The following PAOX variants were observed in gnomAD, a reference collection of about 807,000 sequenced individuals.
PAOX encodes peroxisomal N(1)-acetyl-spermine/spermidine oxidase.
In PAOX, 38 loss-of-function variants were observed where a neutral mutation model predicts 39.0. The observed-to-expected ratio is 0.97, with a 90% CI of 0.75 to 1.28. The LOEUF is 1.28. PAOX is among the 50% of genes most tolerant of loss of function. The probability of loss-of-function intolerance (pLI) is 0.00; values close to 1 mark genes in which losing one functional copy is unlikely to be tolerated. For synonymous variants in PAOX, 311 were observed against 314.4 expected (o/e 0.99, Z 0.11); for missense variants, 667 against 685.7 (o/e 0.97, Z 0.30).
In PAOX at chr10:133,380,502, C is replaced by T. The variant is rs1241074409; in HGVS notation, c.668+17C>T. 1 of 1,547,022 alleles carries T rather than the reference C, an allele frequency of 6.5e-7. No individual in the cohort carries two copies. Among genetic ancestry groups the T allele is most frequent in the African/African-American group, 1.4e-5 (1 of 73,868 alleles). ...CTTTTCTAAGTGCGTGCCTGAGCCCCTGCCCCGCCAGTCCTCCCACCAGGC... is the reference window on the plus strand; with the variant it reads ...CTTTTCTAAGTGCGTGCCTGAGCCCTTGCCCCGCCAGTCCTCCCACCAGGC... On this transcript the variant is annotated intron_variant, in intron 2 of 6. Transcript: ENST00000278060.
Position 133,380,240 on chromosome 10 carries a change from C to T in PAOX, c.423C>T (p.Thr141=). 1 of 1,612,886 alleles carries T rather than the reference C, an allele frequency of 6.2e-7. No homozygotes were observed. Among genetic ancestry groups the T allele is most frequent in the Non-Finnish European group, 8.5e-7 (1 of 1,180,016 alleles). The change falls in exon 2 of 7, where the codon ACC becomes ACT. Residue 141 remains threonine (T), a synonymous_variant. Coordinates refer to ENST00000278060, the MANE Select transcript of PAOX (RefSeq NM_152911.4). Reference sequence around the variant, plus strand: ...TGTTCTACGGCCTGATAGACCAGACCCGGGAGTTCCTGCACGCTGCAGAGA... The same window carrying T: ...TGTTCTACGGCCTGATAGACCAGACTCGGGAGTTCCTGCACGCTGCAGAGA... ...ATLFYGLIDQ[T]REFLHAAETP... is the part of the protein sequence containing the mutation.
In PAOX at chr10:133,391,367, A is replaced by G. The variant is rs1218075727; in HGVS notation, c.1448A>G (p.His483Arg). 3 of 1,613,284 alleles carry G rather than the reference A, an allele frequency of 1.9e-6. No homozygotes were observed. Among genetic ancestry groups the G allele is most frequent in the Middle Eastern group, 1.6e-4 (1 of 6,084 alleles). Residue 483 changes from histidine (H) to arginine (R), a missense_variant, in exon 7 of 7, where the codon CAC becomes CGC. By Grantham distance (29) the His-to-Arg change is conservative. Transcript: ENST00000278060. Reference sequence around the variant, plus strand: ...CATCGCACGTTTTACTCCACGACGCACGGGGCTCTGCTGTCGGGATGGAGG... The same window carrying G: ...CATCGCACGTTTTACTCCACGACGCGCGGGGCTCTGCTGTCGGGATGGAGG... ...ATHRTFYSTT[H>R]GALLSGWREA...
rs1441582173 is a variant in PAOX, at chr10:133,381,618, A to G, written c.827A>G (p.Asp276Gly). ...FPVSVECEDG[D>G]RFPAHHVIVT... ...GTGTCGGTAGAGTGTGAGGATGGAG[A>G]CCGGTTCCCGGCGCACCATGTCATC... The change falls in exon 3 of 7, where the codon GAC (aspartate) becomes GGC (glycine). Residue 276 changes from aspartate to glycine, a missense_variant. Coordinates refer to ENST00000278060, the MANE Select transcript of PAOX (RefSeq NM_152911.4). 2.4e-5 allele frequency: 39 copies of G among 1,613,196 alleles called. No homozygotes were observed. The highest frequency in any genetic ancestry group is 3.1e-5 in the Non-Finnish European group (37 of 1,180,008).
At chr10:133,387,834 C>T (rs1849567874) in intron 4 of PAOX, among the ~76,000 whole-genome samples, 1 of 152,234 alleles carries the variant, frequency 6.6e-6, no homozygotes, top group Non-Finnish European at 1.5e-5. Context: ...CATTCTCCTG[C>T]CTCAACCTGC....
rs1311397641 is a variant in PAOX at position 133,389,661 on chromosome 10, T to C, written c.1306T>C (p.Ser436Pro). Residue 436 changes from serine (S) to proline (P), a missense_variant, in exon 6 of 7, where the codon TCC (serine) becomes CCC (proline). Ser to Pro is a moderately conservative substitution (Grantham distance 74, BLOSUM62 -1). Coordinates refer to ENST00000278060, the MANE Select transcript of PAOX (RefSeq NM_152911.4). ...GCACAGCGCCCCGTACACTAGGGGG[T>C]CCTACAGCTACGTGGCCGTGGGCAG... Reference protein sequence around the residue: ...RWHSAPYTRGSYSYVAVGSTG... With the variant: ...RWHSAPYTRGPYSYVAVGSTG... 6.2e-7 allele frequency: 1 copy of C among 1,612,766 alleles called. No individual in the cohort carries two copies. The highest frequency in any genetic ancestry group is 1.7e-5 in the Admixed American group (1 of 59,982).
chr10:133,389,292 C>T (rs980513205), intron 5 of PAOX, among the ~76,000 whole-genome samples: 9 of 152,162 alleles, frequency 5.9e-5, no homozygotes, highest in South Asian at 2.1e-4. Flanking sequence ...AAATAAATGC[C>T]GTTGTCCTTG....
Position 133,389,720 on chromosome 10 carries a change from C to G in PAOX, c.1365C>G (p.Pro455=), listed in dbSNP as rs754963230. 2 of 1,571,186 alleles carry G rather than the reference C, an allele frequency of 1.3e-6. No homozygotes were observed. The highest frequency in any genetic ancestry group is 2.3e-5 in the South Asian group (2 of 88,724). The change falls in exon 6 of 7, where the codon CCC becomes CCG. Residue 455 remains proline, a synonymous_variant. Transcript: ENST00000278060. ...GCGACCTGGACCTGCTGGCTCAGCCCCTCCCTGCAGACGGCGCCGGCGCCC... is the reference window on the plus strand; with the variant it reads ...GCGACCTGGACCTGCTGGCTCAGCCGCTCCCTGCAGACGGCGCCGGCGCCC... ...TGGDLDLLAQ[P]LPADGAGAQL...
chr10:133,389,624 G>T lies in PAOX; in HGVS notation c.1269G>T (p.Leu423=). 6.2e-7 allele frequency: 1 copy of T among 1,613,616 alleles called. No individual in the cohort carries two copies. ...GGCTCCCCGCGCCCAAGAGCGTCCT[G>T]CGGTCTCGCTGGCACAGCGCCCCGT... ...NPRLPAPKSV[L]RSRWHSAPYT... is the part of the protein sequence containing the mutation. Residue 423 remains leucine (L), a synonymous_variant, in exon 6 of 7, where the codon CTG becomes CTT. Coordinates refer to ENST00000278060, the MANE Select transcript of PAOX (RefSeq NM_152911.4).
chr10:133,382,634 T>C (rs1168233460), intron 3 of PAOX, among the ~76,000 whole-genome samples: 1 of 151,966 alleles, frequency 6.6e-6, no homozygotes. Context: ...ATCCAAAAAT[T>C]AGCTGGGCAT....
Position 133,379,324 on chromosome 10 carries a change from C to T in PAOX, c.8C>T (p.Ser3Leu), listed in dbSNP as rs1849281777. Residue 3 changes from serine to leucine, a missense_variant, in exon 1 of 7, where the codon TCG (serine) becomes TTG (leucine). By Grantham distance (145) the Ser-to-Leu change is moderately radical. Coordinates refer to ENST00000278060, the MANE Select transcript of PAOX (RefSeq NM_152911.4). ME[S>L]TGSVGEAPGG... Reference sequence around the variant, plus strand: ...GACTGCCCGGACCGCGCGATGGAGTCGACCGGCAGCGTCGGGGAGGCCCCG... The same window carrying T: ...GACTGCCCGGACCGCGCGATGGAGTTGACCGGCAGCGTCGGGGAGGCCCCG... The T allele has an allele frequency of 2.5e-6, 3 of 1,217,326 alleles. No homozygotes were observed. Among genetic ancestry groups the T allele is most frequent in the Non-Finnish European group, 3.1e-6 (3 of 978,900 alleles). The allele number at this position is 1,217,326 out of a possible 1,614,324, so 75.4% of individuals were successfully genotyped here.
intron 4 of PAOX, among the ~76,000 whole-genome samples, chr10:133,386,470 G>A (rs1849534951): frequency 6.6e-6 from 1 of 152,142 alleles, no homozygotes; most frequent in South Asian, 2.1e-4. Flanking sequence ...GTTGGAAGAA[G>A]GAGTGATATT....
At chr10:133,390,162 A>C (rs953135492) in intron 6 of PAOX, among the ~76,000 whole-genome samples, 3 of 152,080 alleles carry the variant, frequency 2.0e-5, no homozygotes, top group Admixed American at 1.3e-4. Flanking sequence ...GGCTTCCCCT[A>C]AGCCAAGCTT....
chr10:133,383,362 GGAGGCT>G (rs1476435467), intron 3 of PAOX, among the ~76,000 whole-genome samples: 4 of 152,062 alleles, frequency 2.6e-5, no homozygotes, highest in Middle Eastern at 3.2e-3. Context: ...CAGCACTTCG[GGAGGCT>G]GAGGCAGGTA....
rs540848911 is a variant in PAOX at position 133,379,400 on chromosome 10, G to C, written c.84G>C (p.Ala28=). ...VVGGGIAGLG[A]AQRLCGHSAF... is the part of the protein sequence containing the mutation. ...GCGGCGGCATCGCGGGGCTGGGCGC[G>C]GCGCAGAGGCTCTGCGGCCACTCCG... The change falls in exon 1 of 7, where the codon GCG becomes GCC. Residue 28 remains alanine, a synonymous_variant. Transcript: ENST00000278060. The C allele has an allele frequency of 2.5e-6, 3 of 1,222,376 alleles. No individual in the cohort carries two copies. Among genetic ancestry groups the C allele is most frequent in the Admixed American group, 4.3e-5 (1 of 23,344 alleles). 75.7% of individuals were successfully genotyped at this position (1,222,376 alleles called of 1,614,324 possible). A position where few individuals can be genotyped will look rare whatever the true frequency, so the allele number is the denominator to read the frequency against.
At position 133,391,295 on chromosome 10, in the gene PAOX, C is replaced by T. The variant is rs6537600; in HGVS notation, c.1393-17C>T. ...TCTGAATTGCATCCCCATTCTAACC[C>T]TGGCTCTTCTTTGCAGCTCCAGATC... On this transcript the variant is annotated splice_polypyrimidine_tract_variant and intron_variant, in intron 6 of 6. Transcript: ENST00000278060. 0.88 allele frequency: 1,414,203 copies of T among 1,611,642 alleles called. 622,112 individuals carry two copies. Among genetic ancestry groups the T allele is most frequent in the East Asian group, 0.97 (43,624 of 44,856 alleles).
At chr10:133,388,870 CTCTT>C in intron 4 of PAOX, 82 bp from the exon 5 acceptor site, 2 of 702,878 alleles carry the variant, frequency 2.8e-6, no homozygotes, top group East Asian at 5.0e-5. Flanking sequence ...TCCCAGGGCT[CTCTT>C]TCTCCATGCA....
chr10:133,381,133 C>T (rs1264896991), intron 2 of PAOX, among the ~76,000 whole-genome samples: 2 of 152,242 alleles, frequency 1.3e-5, no homozygotes, highest in African/African-American at 4.8e-5. Context: ...GTCCCGTCAC[C>T]CCTGGTGTTG....
At chr10:133,387,747 G>A (rs1360915112) in intron 4 of PAOX, among the ~76,000 whole-genome samples, 1 of 152,208 alleles carries the variant, frequency 6.6e-6, no homozygotes, top group East Asian at 1.9e-4. Context: ...TTGAGATGGA[G>A]TCTTACTCTG....
At chr10:133,389,387 C>T (rs903719539) in intron 5 of PAOX, among the ~76,000 whole-genome samples, 73 of 152,244 alleles carry the variant, frequency 4.8e-4, no homozygotes, top group African/African-American at 1.5e-3. Context: ...CCGCTGCTGT[C>T]GGGTCAGAGG....
Sources: allele counts gnomAD v4.1 joint callset (sites outside exome capture counted in the v4.1 genomes callset), GRCh38; gene constraint gnomAD v4.1.1; transcripts MANE v1.5; gene names NCBI Gene and HGNC (gene_info 2026-07-23, HGNC 2026-07-21).